ANO6: variants seen among roughly 807,000 people sequenced by gnomAD.
The protein encoded by ANO6 is anoctamin 6, also known as anoctamin-6.
In ANO6, 106 loss-of-function variants were observed where a neutral mutation model predicts 117.5. The observed-to-expected ratio is 0.90, with a 90% CI of 0.77 to 1.06. The LOEUF (loss-of-function observed/expected upper bound fraction) is 1.06, where lower values mean the gene tolerates loss of function less well. ANO6 is among the 50% of genes least tolerant of loss of function. ANO6 has a pLI of 0.00. For synonymous variants in ANO6, 367 were observed against 385.1 expected, an observed-to-expected ratio of 0.95 and a Z score of 0.55; for missense variants, 955 against 1,121.1, an observed-to-expected ratio of 0.85 and a Z score of 2.12.
chr12:45,283,579 A>G (rs537273738), intron 1 of ANO6, among the ~76,000 whole-genome samples: 1 of 152,362 alleles, frequency 6.6e-6, no homozygotes, highest in East Asian at 1.9e-4. Context: ...TATATAATTT[A>G]ATGTTTCCAT....
At chr12:45,408,603 T>A (rs1172447390) in intron 15 of ANO6, among the ~76,000 whole-genome samples, 1 of 152,206 alleles carries the variant, frequency 6.6e-6, no homozygotes, top group African/African-American at 2.4e-5. Context: ...TTCACTCCTC[T>A]GGTCCTTAAA....
chr12:45,400,152 C>G (rs1182375104), intron 12 of ANO6, among the ~76,000 whole-genome samples: 1 of 152,106 alleles, frequency 6.6e-6, no homozygotes, highest in African/African-American at 2.4e-5. Context: ...CTTTTCTCAT[C>G]AGTAAAAGAG....
chr12:45,378,153 G>GCC (rs749966339), intron 10 of ANO6, 40 bp downstream of exon 10: 4 of 1,556,708 alleles, frequency 2.6e-6, no homozygotes, highest in South Asian at 2.3e-5. Context: ...CAATTTGATA[G>GCC]TATTACACAG....
chr12:45,267,414 C>G (rs1405634320), intron 1 of ANO6, among the ~76,000 whole-genome samples: 1 of 152,190 alleles, frequency 6.6e-6, no homozygotes, highest in African/African-American at 2.4e-5. Context: ...TTTTCCAAAT[C>G]CAGTCACATT....
chr12:45,325,952 A>G (rs554805781), intron 2 of ANO6, among the ~76,000 whole-genome samples: 1 of 152,308 alleles, frequency 6.6e-6, no homozygotes, highest in African/African-American at 2.4e-5. Flanking sequence ...ATGTCATTTC[A>G]AAGTTCTGTT....
chr12:45,308,388 C>A (rs1939746836), intron 2 of ANO6, among the ~76,000 whole-genome samples: 3 of 151,898 alleles, frequency 2.0e-5, no homozygotes, highest in Admixed American at 2.0e-4. Context: ...ATTGCGGAAG[C>A]TTTTTCTTGA....
Position 45,423,000 on chromosome 12 carries a change from A to G in ANO6, c.2464A>G (p.Lys822Glu). 6.2e-7 allele frequency: 1 copy of G among 1,614,118 alleles called. No individual in the cohort carries two copies. The highest frequency in any genetic ancestry group is 8.5e-7 in the Non-Finnish European group (1 of 1,179,958). The change falls in exon 19 of 20, where the codon AAA becomes GAA. Residue 822 changes from lysine to glutamate, a missense_variant. Lys to Glu is a moderately conservative substitution (Grantham distance 56). Transcript: ENST00000320560. Reference sequence around the variant, plus strand: ...CCCACCTGGACACCCCCAGGAGTATAAACACAACATCTACTATTGGCATGT... The same window carrying G: ...CCCACCTGGACACCCCCAGGAGTATGAACACAACATCTACTATTGGCATGT... ...RYPPGHPQEY[K>E]HNIYYWHVIA...
intron 7 of ANO6, among the ~76,000 whole-genome samples, chr12:45,355,092 G>T (rs772540869): frequency 1.3e-5 from 2 of 152,092 alleles, no homozygotes; most frequent in Non-Finnish European, 2.9e-5. Flanking sequence ...TAGGGGAGGG[G>T]GTAGGGGACT....
Position 45,216,351 on chromosome 12 carries a change from A to G in ANO6, c.30A>G (p.Leu10=), listed in dbSNP as rs1356645218. The change falls in exon 1 of 20, where the codon CTA becomes CTG. Residue 10 remains leucine, a synonymous_variant. Coordinates refer to ENST00000320560, the MANE Select transcript of ANO6 (RefSeq NM_001025356.3). Reference sequence around the variant, plus strand: ...AAAAGATGAGCAGGAATGTTTTGCTACAAATGGAGGAGGAGGAGGACGACG... The same window carrying G: ...AAAAGATGAGCAGGAATGTTTTGCTGCAAATGGAGGAGGAGGAGGACGACG... MKKMSRNVL[L]QMEEEEDDDD... is the part of the protein sequence containing the mutation. 1.2e-6 allele frequency: 2 copies of G among 1,613,030 alleles called. No individual in the cohort carries two copies. The highest frequency in any genetic ancestry group is 1.7e-6 in the Non-Finnish European group (2 of 1,179,416).
chr12:45,398,598 T>C (rs1942694679), intron 12 of ANO6, among the ~76,000 whole-genome samples: 1 of 152,218 alleles, frequency 6.6e-6, no homozygotes, highest in African/African-American at 2.4e-5. Flanking sequence ...AACATTTATG[T>C]ATATATTTAT....
At chr12:45,276,293 C>T (rs2137244311) in intron 1 of ANO6, among the ~76,000 whole-genome samples, 1 of 152,298 alleles carries the variant, frequency 6.6e-6, no homozygotes, top group East Asian at 1.9e-4. Flanking sequence ...ATGACTGGGT[C>T]TGTCGTTTCC....
intron 1 of ANO6, among the ~76,000 whole-genome samples, chr12:45,219,220 G>A (rs1311191893): frequency 1.3e-5 from 2 of 152,178 alleles, no homozygotes; most frequent in African/African-American, 4.8e-5. Context: ...TGGGGTCCCT[G>A]ATTATATCAT....
chr12:45,408,022 G>A (rs144665183), intron 15 of ANO6, among the ~76,000 whole-genome samples: 1 of 152,272 alleles, frequency 6.6e-6, no homozygotes, highest in Non-Finnish European at 1.5e-5. Flanking sequence ...CCTGAGTAAA[G>A]CTTCAGTAGC....
At chr12:45,286,415 G>A (rs562740793) in intron 1 of ANO6, among the ~76,000 whole-genome samples, 4 of 152,210 alleles carry the variant, frequency 2.6e-5, no homozygotes, top group East Asian at 1.9e-4. Flanking sequence ...TTATTTAACC[G>A]ATGACTTAAA....
At chr12:45,316,784 A>C (rs1315897405) in intron 2 of ANO6, among the ~76,000 whole-genome samples, 1 of 151,210 alleles carries the variant, frequency 6.6e-6, no homozygotes, top group East Asian at 2.0e-4. Context: ...TATGTATTAT[A>C]CTATTATAAC....
In ANO6 at chr12:45,391,125, AAAAT is replaced by A. The variant is rs552188674; in HGVS notation, c.1386+635_1386+638del. Among the ~76,000 whole-genome samples, 37 of 152,300 alleles carry A rather than the reference AAAAT, an allele frequency of 2.4e-4. 1 individual carries two copies. In the South Asian group the frequency reaches 6.4e-3, roughly 26 times the overall value. ...CAGAGCAAGACTCCATCTCAAAAAA[AAAAT>A]AAATAAAATGTCTAGGAATACCCTT... On this transcript the variant is annotated intron_variant, in intron 12 of 19. Coordinates refer to ENST00000320560, the MANE Select transcript of ANO6 (RefSeq NM_001025356.3).
rs766416224 is a variant in ANO6, at chr12:45,348,143, G to A, written c.461G>A (p.Arg154Gln). 3.2e-5 allele frequency: 52 copies of A among 1,613,898 alleles called. No homozygotes were observed. In the East Asian group the frequency reaches 7.4e-4, roughly 23 times the overall value. Reference sequence around the variant, plus strand: ...CTGAAACCCAATGATCTGAAAAACCGGTCCTCAGCCTTTGGTACACTCAAC... The same window carrying A: ...CTGAAACCCAATGATCTGAAAAACCAGTCCTCAGCCTTTGGTACACTCAAC... ...LPLKPNDLKN[R>Q]SSAFGTLNWF... Residue 154 changes from arginine to glutamine, a missense_variant, in exon 5 of 20, where the codon CGG becomes CAG. Transcript: ENST00000320560.
chr12:45,244,100 GAAAATATAATCT>G (rs1319107347), intron 1 of ANO6, among the ~76,000 whole-genome samples: 1 of 152,154 alleles, frequency 6.6e-6, no homozygotes, highest in African/African-American at 2.4e-5. Flanking sequence ...TGTTGAACAA[GAAAATATAATCT>G]AAAATCATAT....
intron 1 of ANO6, among the ~76,000 whole-genome samples, chr12:45,248,774 A>C (rs1462538968): frequency 6.6e-6 from 1 of 152,178 alleles, no homozygotes; most frequent in Non-Finnish European, 1.5e-5. Context: ...AACTGACCTG[A>C]AGGAATATGG....
Sources: allele counts gnomAD v4.1 joint callset (sites outside exome capture counted in the v4.1 genomes callset), GRCh38; gene constraint gnomAD v4.1.1; transcripts MANE v1.5; gene names NCBI Gene and HGNC (gene_info 2026-07-23, HGNC 2026-07-21).